NPAS2: variants seen among roughly 807,000 people sequenced by gnomAD.
NPAS2 encodes neuronal PAS domain-containing protein 2.
A neutral mutation model predicts 107.5 loss-of-function variants in NPAS2; 23 were observed. The ratio of observed to expected loss-of-function variants is 0.21; its 90% CI spans 0.15 to 0.30. The LOEUF (loss-of-function observed/expected upper bound fraction) is 0.30, where lower values mean the gene tolerates loss of function less well. NPAS2 is among the 10% of genes least tolerant of loss of function. The probability of loss-of-function intolerance (pLI) is 1.00; values close to 1 mark genes in which losing one functional copy is unlikely to be tolerated. For missense variants in NPAS2, 756 were observed against 1,043.3 expected (o/e 0.72, Z 3.79); for synonymous variants, 403 against 417.5 (o/e 0.97, Z 0.42).
intron 1 of NPAS2, among the ~76,000 whole-genome samples, chr2:100,872,209 C>T (rs1679628735): frequency 6.6e-6 from 1 of 152,150 alleles, no homozygotes; most frequent in African/African-American, 2.4e-5. Context: ...TGTTGATGGC[C>T]TTGTGGTCAG....
intron 1 of NPAS2, among the ~76,000 whole-genome samples, chr2:100,872,697 A>G (rs548837547): frequency 6.6e-6 from 1 of 152,312 alleles, no homozygotes; most frequent in African/African-American, 2.4e-5. Context: ...CATCCTCAGC[A>G]TGGTGGATCT....
At chr2:100,974,981 A>C (rs2305159) in intron 13 of NPAS2, 37 bp downstream of exon 13, 532,179 of 1,607,718 alleles carry the variant, frequency 0.33, 98,068 homozygotes, top group East Asian at 0.75. Flanking sequence ...TGGGATGTCC[A>C]CATCAGACCA....
chr2:100,972,834 TC>T (rs1433758945), intron 12 of NPAS2: 5 of 152,068 alleles, frequency 3.3e-5, no homozygotes, highest in Admixed American at 3.3e-4. Context: ...CCTTGGGGAG[TC>T]CTGGAGCCCT....
At chr2:100,952,076 C>T (rs1314443800) in intron 7 of NPAS2, among the ~76,000 whole-genome samples, 11 of 145,022 alleles carry the variant, frequency 7.6e-5, no homozygotes, top group East Asian at 2.1e-4. Context: ...GGCGTGAACC[C>T]GGGAGGCTGA....
chr2:100,954,681 GAA>G (rs371832114), intron 7 of NPAS2, among the ~76,000 whole-genome samples: 34,543 of 94,900 alleles, frequency 0.36, 4,867 homozygotes, highest in South Asian at 0.54. Context: ...AAAAAAAAAA[GAA>G]AAAAAAGAAA....
At position 100,937,800 on chromosome 2, in the gene NPAS2, C is replaced by T; in HGVS notation, c.321C>T (p.Ile107=). ...IIAVTTDGSI[I]YVSDSITPLL... ...CAGTGACAACAGACGGCAGCATCATCTATGTCTCTGACAGTATCACGCCTC... is the reference window on the plus strand; with the variant it reads ...CAGTGACAACAGACGGCAGCATCATTTATGTCTCTGACAGTATCACGCCTC... Residue 107 remains isoleucine (I), a synonymous_variant, in exon 5 of 21, where the codon ATC becomes ATT. Coordinates refer to ENST00000335681, the MANE Select transcript of NPAS2 (RefSeq NM_002518.4). The T allele has an allele frequency of 6.2e-7, 1 of 1,614,166 alleles. No homozygotes were observed. The highest frequency in any genetic ancestry group is 8.5e-7 in the Non-Finnish European group (1 of 1,180,000).
At chr2:100,873,205 C>G (rs1679685664) in intron 1 of NPAS2, among the ~76,000 whole-genome samples, 1 of 136,612 alleles carries the variant, frequency 7.3e-6, no homozygotes, top group Non-Finnish European at 1.5e-5. Context: ...CGAGCCAAGA[C>G]TGTGCCACTG....
At chr2:100,937,197 A>G (rs1172650988) in intron 4 of NPAS2, among the ~76,000 whole-genome samples, 1 of 152,144 alleles carries the variant, frequency 6.6e-6, no homozygotes, top group African/African-American at 2.4e-5. Flanking sequence ...CCAGCCCTGT[A>G]GAGTAATGTG....
chr2:100,887,681 C>CTT (rs200266071), intron 1 of NPAS2, among the ~76,000 whole-genome samples: 68 of 145,074 alleles, frequency 4.7e-4, no homozygotes, highest in African/African-American at 1.3e-3. Flanking sequence ...TTTTCTTTTT[C>CTT]TTTTTTTTTT....
chr2:100,888,710 T>C (rs1196405798), intron 1 of NPAS2, among the ~76,000 whole-genome samples: 1 of 152,174 alleles, frequency 6.6e-6, no homozygotes, highest in Middle Eastern at 3.2e-3. Flanking sequence ...CAGAGCTTCA[T>C]GTGTAGTTTA....
intron 15 of NPAS2, among the ~76,000 whole-genome samples, chr2:100,979,113 A>G (rs1677237644): frequency 6.6e-6 from 1 of 152,176 alleles, no homozygotes; most frequent in South Asian, 2.1e-4. Flanking sequence ...TCTCTCATGC[A>G]TTCCTGGAGT....
intron 3 of NPAS2, among the ~76,000 whole-genome samples, chr2:100,929,498 A>G (rs1683805258): frequency 6.6e-6 from 1 of 152,206 alleles, no homozygotes; most frequent in Non-Finnish European, 1.5e-5. Flanking sequence ...TGAAAAATAC[A>G]TATTACCAGG....
chr2:100,984,562 G>A (rs910221219), intron 16 of NPAS2: 1 of 151,580 alleles, frequency 6.6e-6, no homozygotes, highest in African/African-American at 2.4e-5. Context: ...GTGTAGGATT[G>A]GTTTGTTCTT....
intron 1 of NPAS2, among the ~76,000 whole-genome samples, chr2:100,836,120 A>AG (rs1302388020): frequency 6.6e-6 from 1 of 152,200 alleles, no homozygotes; most frequent in Admixed American, 6.5e-5. Context: ...GGCAGTGAGG[A>AG]GCCCAGTTAG....
chr2:100,911,420 G>T (rs1349048071), intron 2 of NPAS2, among the ~76,000 whole-genome samples: 1 of 152,084 alleles, frequency 6.6e-6, no homozygotes, highest in Admixed American at 6.6e-5. Context: ...TTGAAGATGT[G>T]AGCAAAGATT....
intron 1 of NPAS2, among the ~76,000 whole-genome samples, chr2:100,883,403 A>T (rs1354703117): frequency 2.0e-5 from 3 of 152,162 alleles, no homozygotes; most frequent in African/African-American, 7.2e-5. Flanking sequence ...GAGGGTGGGA[A>T]TGAGGTTCCT....
chr2:100,847,451 G>A (rs1573453407), intron 1 of NPAS2, among the ~76,000 whole-genome samples: 1 of 152,036 alleles, frequency 6.6e-6, no homozygotes, highest in Admixed American at 6.6e-5. Context: ...CTCACTGCAA[G>A]CTCCGCCTCC....
At chr2:100,986,121 C>T (rs1004479056) in intron 16 of NPAS2, 2 of 152,092 alleles carry the variant, frequency 1.3e-5, no homozygotes, top group African/African-American at 4.8e-5. Context: ...GATGGATACC[C>T]AGAAAATTCT....
At chr2:100,979,837 A>G (rs1250340378) in intron 15 of NPAS2, among the ~76,000 whole-genome samples, 1 of 152,068 alleles carries the variant, frequency 6.6e-6, no homozygotes, top group Non-Finnish European at 1.5e-5. Flanking sequence ...GCCAATAACT[A>G]TATTCTTTAA....
Sources: gnomAD v4.1 joint callset for allele counts (sites outside exome capture counted in the v4.1 genomes callset) on GRCh38, gnomAD v4.1.1 for gene constraint, MANE v1.5 for transcripts, NCBI Gene and HGNC (gene_info 2026-07-23, HGNC 2026-07-21) for gene names.